FGD5: variants seen among roughly 807,000 people sequenced by gnomAD.
The protein encoded by FGD5 is FYVE, RhoGEF and PH domain containing 5.
FGD5 carries 28 observed loss-of-function variants against 133.4 expected under a neutral mutation model. That is an observed-to-expected ratio of 0.21 (90% confidence interval 0.16 to 0.29). FGD5 has a LOEUF of 0.29. Ranked by LOEUF, FGD5 falls within the 10% of genes least tolerant of loss-of-function variation. FGD5 has a pLI of 1.00. For synonymous variants in FGD5, 810 were observed against 776.5 expected (o/e 1.04, Z -0.72); for missense variants, 1,858 against 1,895.2 (o/e 0.98, Z 0.36).
chr3:14,928,082 C>CA (rs2038842517), intron 18 of FGD5, among the ~76,000 whole-genome samples: 3 of 152,094 alleles, frequency 2.0e-5, no homozygotes, highest in South Asian at 4.2e-4. Context: ...GCTGGGACTA[C>CA]AGGCGCCCAC....
chr3:14,855,295 G>C (rs1320970474), intron 1 of FGD5, among the ~76,000 whole-genome samples: 1 of 152,170 alleles, frequency 6.6e-6, no homozygotes, highest in Admixed American at 6.5e-5. Context: ...CTCAGCTACT[G>C]TGAATAGTGC....
At chr3:14,810,700 G>C (rs1211495511), upstream of FGD5, among the ~76,000 whole-genome samples, 1 of 146,286 alleles carries the variant, frequency 6.8e-6, no homozygotes, top group Non-Finnish European at 1.5e-5. Context: ...TGCCCTGCGC[G>C]CCGCGCGGAG....
rs2038185088 is a variant in FGD5 at position 14,898,786 on chromosome 3, G to C, written c.3114G>C (p.Arg1038=). 7.6e-6 allele frequency: 12 copies of C among 1,585,514 alleles called. No homozygotes were observed. Among genetic ancestry groups the C allele is most frequent in the Non-Finnish European group, 1.0e-5 (12 of 1,166,704 alleles). ...GSQTAKHRLL[R]VVQRLFQYQV... is the part of the protein sequence containing the mutation. ...AGACTGCGAAGCATCGGCTGCTGCG[G>C]GTGGTTCAACGCCTCTTCCAGTACC... is the stretch of plus-strand genomic sequence containing the variant. The change falls in exon 7 of 20, where the codon CGG becomes CGC. Residue 1038 remains arginine (R), a synonymous_variant. Transcript: ENST00000285046.
At chr3:14,862,958 A>C (rs1484823300) in intron 1 of FGD5, among the ~76,000 whole-genome samples, 3 of 152,098 alleles carry the variant, frequency 2.0e-5, no homozygotes, top group African/African-American at 7.2e-5. Flanking sequence ...CTCCTATGAA[A>C]GATACTTGAG....
At chr3:14,867,310 T>C (rs2037514910) in intron 2 of FGD5, among the ~76,000 whole-genome samples, 1 of 152,220 alleles carries the variant, frequency 6.6e-6, no homozygotes, top group African/African-American at 2.4e-5. Flanking sequence ...CCCACATTGA[T>C]ACATAGAGTT....
At chr3:14,894,874 T>TA (rs2038102853) in intron 4 of FGD5, among the ~76,000 whole-genome samples, 1 of 152,110 alleles carries the variant, frequency 6.6e-6, no homozygotes, top group African/African-American at 2.4e-5. Flanking sequence ...CAACATCTGT[T>TA]ATTGCGTGTC....
chr3:14,850,683 G>A (rs1457016194), intron 1 of FGD5, among the ~76,000 whole-genome samples: 4 of 151,766 alleles, frequency 2.6e-5, no homozygotes, highest in Non-Finnish European at 5.9e-5. Flanking sequence ...ATATAGGAAC[G>A]TAAATTAACT....
In FGD5 at chr3:14,922,300, C is replaced by G; in HGVS notation, c.3670-111C>G. The G allele has an allele frequency of 6.9e-7, 1 of 1,457,788 alleles. No individual in the cohort carries two copies. Among genetic ancestry groups the G allele is most frequent in the Non-Finnish European group, 9.3e-7 (1 of 1,078,196 alleles). 90.3% of individuals were successfully genotyped at this position (1,457,788 alleles called of 1,614,324 possible). On this transcript the variant is annotated intron_variant, in intron 14 of 19. Transcript: ENST00000285046. The surrounding 1 kb of genome is among the most constrained non-coding windows in gnomAD (Gnocchi z 4.1). ...AGGCCTTTCACATCAGACCCACTCA[C>G]CCACACATCACACACCCTGCACAGA...
At chr3:14,921,579 G>A in intron 13 of FGD5, 1 of 303,866 alleles carries the variant, frequency 3.3e-6, no homozygotes, top group South Asian at 4.2e-5. Flanking sequence ...TTCTCCTGAA[G>A]TGTGGGACCC....
chr3:14,904,610 G>A (rs172414), intron 9 of FGD5, among the ~76,000 whole-genome samples: 128,150 of 152,058 alleles, frequency 0.84, 54,201 homozygotes, highest in East Asian at 0.98. Flanking sequence ...CTTAGAATCA[G>A]TCATTTCTCC....
Position 14,933,201 on chromosome 3 carries a change from T to A in FGD5, c.*34T>A. On this transcript the variant is annotated 3_prime_UTR_variant, in exon 20 of 20. Transcript: ENST00000285046. ...AAGCATGTGGACTTGTAACAAATTC[T>A]TAGGTCAATATGTGAATGCTTTTAG... The A allele has an allele frequency of 1.9e-6, 3 of 1,609,542 alleles. No individual in the cohort carries two copies. Among genetic ancestry groups the A allele is most frequent in the Non-Finnish European group, 1.7e-6 (2 of 1,177,550 alleles).
At chr3:14,838,698 C>G (rs750154688) in intron 1 of FGD5, among the ~76,000 whole-genome samples, 4 of 152,206 alleles carry the variant, frequency 2.6e-5, no homozygotes, top group Non-Finnish European at 5.9e-5. Flanking sequence ...TAATTCCTCT[C>G]CATCTATGAC....
intron 4 of FGD5, among the ~76,000 whole-genome samples, chr3:14,881,766 A>T (rs922812889): frequency 6.6e-6 from 1 of 152,202 alleles, no homozygotes; most frequent in Non-Finnish European, 1.5e-5. Context: ...AGAGGAGGTG[A>T]CATGGCCCAA....
chr3:14,828,300 A>G (rs897897391), intron 1 of FGD5, among the ~76,000 whole-genome samples: 1 of 152,210 alleles, frequency 6.6e-6, no homozygotes, highest in Admixed American at 6.5e-5. Flanking sequence ...ACAAAGTGGC[A>G]CTTGAGTAGA....
intron 2 of FGD5, among the ~76,000 whole-genome samples, chr3:14,880,334 A>G (rs1017128247): frequency 6.6e-6 from 1 of 152,244 alleles, no homozygotes; most frequent in African/African-American, 2.4e-5. Context: ...AGCCTGGGTG[A>G]TAGAGCATGA....
rs1215340879 is a variant in FGD5, at chr3:14,820,351, C to T, written c.1280C>T (p.Ala427Val). The part of the protein sequence containing the change: ...LEEEALDDAL[A>V]NPYVMGVGLP... ...GAGGAGGCCTTGGATGATGCACTGG[C>T]CAACCCCTATGTGATGGGAGTGGGC... Residue 427 changes from alanine (A) to valine (V), a missense_variant, in exon 1 of 20, where the codon GCC becomes GTC. Coordinates refer to ENST00000285046, the MANE Select transcript of FGD5 (RefSeq NM_152536.4). 3 of 1,612,768 alleles carry T rather than the reference C, an allele frequency of 1.9e-6. No individual in the cohort carries two copies. Among genetic ancestry groups the T allele is most frequent in the Middle Eastern group, 1.6e-4 (1 of 6,082 alleles).
intron 16 of FGD5, 71 bp downstream of exon 16, chr3:14,923,246 G>C: frequency 2.6e-6 from 4 of 1,540,410 alleles, no homozygotes; most frequent in Non-Finnish European, 3.5e-6. Context: ...TGGCTTCTCT[G>C]TGGTCCATGG....
At chr3:14,882,697 GAAAAAA>G (rs140724200) in intron 4 of FGD5, among the ~76,000 whole-genome samples, 6 of 123,574 alleles carry the variant, frequency 4.9e-5, no homozygotes, top group Non-Finnish European at 1.0e-4. Context: ...GACTCTGTCT[GAAAAAA>G]AAAAAAAAAA....
At chr3:14,834,191 C>G (rs1017753546) in intron 1 of FGD5, among the ~76,000 whole-genome samples, 4 of 152,080 alleles carry the variant, frequency 2.6e-5, no homozygotes, top group Non-Finnish European at 5.9e-5. Context: ...GCCCGAAGAG[C>G]CTGCTGAGGG....
Sources: gnomAD v4.1 joint callset for allele counts (sites outside exome capture counted in the v4.1 genomes callset) on GRCh38, gnomAD v4.1.1 for gene constraint, Gnocchi (gnomAD v3.1) non-coding constraint, MANE v1.5 for transcripts, NCBI Gene and HGNC (gene_info 2026-07-23, HGNC 2026-07-21) for gene names.